The following PRCP variants were observed in gnomAD, a reference collection of about 807,000 sequenced individuals.
PRCP encodes lysosomal Pro-X carboxypeptidase.
In PRCP, 46 loss-of-function variants were observed where a neutral mutation model predicts 54.2. The observed-to-expected ratio is 0.85, with a 90% CI of 0.67 to 1.09. The LOEUF is 1.09. PRCP is among the 50% of genes least tolerant of loss of function. PRCP has a pLI of 0.00. For missense variants in PRCP, 613 were observed against 596.8 expected, an observed-to-expected ratio of 1.03 and a Z score of -0.28; for synonymous variants, 240 against 212.2, an observed-to-expected ratio of 1.13 and a Z score of -1.14.
intron 1 of PRCP, among the ~76,000 whole-genome samples, chr11:82,869,697 T>C (rs1204331095): frequency 2.0e-5 from 3 of 152,196 alleles, no homozygotes; most frequent in Non-Finnish European, 4.4e-5. Context: ...AATGCATGCA[T>C]GCATCATGGC....
intron 1 of PRCP, among the ~76,000 whole-genome samples, chr11:82,895,644 T>C (rs774535455): frequency 2.5e-4 from 38 of 152,276 alleles, no homozygotes; most frequent in South Asian, 4.1e-4. Context: ...CACACAATAT[T>C]TCTGACAGGA....
At chr11:82,901,297 A>G (rs143703204), upstream of PRCP, among the ~76,000 whole-genome samples, 2 of 151,406 alleles carry the variant, frequency 1.3e-5, no homozygotes, top group Non-Finnish European at 2.9e-5. Context: ...CTTCTCCGGC[A>G]CCCGAAAACC....
chr11:82,900,252 G>T lies in PRCP; in HGVS notation c.151C>A (p.Leu51Ile). 6.2e-7 allele frequency: 1 copy of T among 1,614,226 alleles called. No individual in the cohort carries two copies. The highest frequency in any genetic ancestry group is 8.5e-7 in the Non-Finnish European group (1 of 1,180,032). The change falls in exon 1 of 9, where the codon CTC becomes ATC. Residue 51 changes from leucine to isoleucine, a missense_variant. Physicochemically the swap from Leu to Ile is conservative, Grantham distance 5. Coordinates refer to ENST00000313010, the MANE Select transcript of PRCP (RefSeq NM_005040.4). ...CCCCTTACCTTCTGTTGGAAGTAGA[G>T]AACCGAATAGTTCTTGGCTACAGCC... Reference protein sequence around the residue: ...LPAVAKNYSVLYFQQKVDHFG... With the variant: ...LPAVAKNYSVIYFQQKVDHFG...
chr11:82,864,540 G>A (rs1227817024), intron 1 of PRCP, among the ~76,000 whole-genome samples: 1 of 152,186 alleles, frequency 6.6e-6, no homozygotes, highest in Non-Finnish European at 1.5e-5. Flanking sequence ...GAGGTCACAT[G>A]ACTTAGCCAT....
intron 7 of PRCP, among the ~76,000 whole-genome samples, 157 bp downstream of exon 7, chr11:82,839,104 A>T (rs1419372220): frequency 6.6e-6 from 1 of 152,252 alleles, no homozygotes; most frequent in Non-Finnish European, 1.5e-5. Flanking sequence ...CAAATGAATG[A>T]ACAAGAAAAC....
intron 1 of PRCP, among the ~76,000 whole-genome samples, chr11:82,891,604 G>T (rs538419518): frequency 6.6e-6 from 1 of 151,842 alleles, no homozygotes; most frequent in Admixed American, 6.6e-5. Flanking sequence ...TCTCTCCCTG[G>T]GGCATGTCCC....
chr11:82,849,332 T>A lies in PRCP; in HGVS notation c.752-114A>T, dbSNP rs776308247. 3.2e-4 allele frequency: 377 copies of A among 1,170,810 alleles called. 1 individual carries two copies. Among genetic ancestry groups the A allele is most frequent in the Middle Eastern group, 1.0e-3 (5 of 4,818 alleles). 72.5% of individuals were successfully genotyped at this position (1,170,810 alleles called of 1,614,324 possible). A position where few individuals can be genotyped will look rare whatever the true frequency, so the allele number is the denominator to read the frequency against. ...AAAACTCAATCTTTTATACCCCTTC[T>A]CCCAGGATATTTTCAGAGCAACTGG... On this transcript the variant is annotated intron_variant, in intron 5 of 8. Coordinates refer to ENST00000313010, the MANE Select transcript of PRCP (RefSeq NM_005040.4).
intron 1 of PRCP, among the ~76,000 whole-genome samples, chr11:82,860,773 C>A (rs1402906778): frequency 2.0e-5 from 3 of 152,044 alleles, no homozygotes; most frequent in Admixed American, 2.0e-4. Flanking sequence ...CATAGATATT[C>A]TAAGTTACAA....
chr11:82,857,493 A>C (rs1017069775), intron 2 of PRCP, among the ~76,000 whole-genome samples: 5 of 152,028 alleles, frequency 3.3e-5, no homozygotes, highest in African/African-American at 1.2e-4. Flanking sequence ...AGAACCATCT[A>C]TATCTGGTCA....
chr11:82,873,406 C>T (rs746765315), intron 1 of PRCP, among the ~76,000 whole-genome samples: 6 of 152,154 alleles, frequency 3.9e-5, no homozygotes, highest in Admixed American at 2.6e-4. Flanking sequence ...ACACGAAATG[C>T]CCCACTAAAT....
At chr11:82,866,809 C>T (rs1285744633) in intron 1 of PRCP, among the ~76,000 whole-genome samples, 1 of 151,942 alleles carries the variant, frequency 6.6e-6, no homozygotes, top group African/African-American at 2.4e-5. Context: ...GCAACCTCCA[C>T]CTCCCGAGTT....
chr11:82,843,000 T>C (rs534038586), intron 6 of PRCP, among the ~76,000 whole-genome samples: 1 of 152,324 alleles, frequency 6.6e-6, no homozygotes, highest in East Asian at 1.9e-4. Context: ...ACTATTCCTA[T>C]GCTTATTTAA....
chr11:82,898,991 TA>T (rs1187222538), intron 1 of PRCP, among the ~76,000 whole-genome samples: 2 of 79,392 alleles, frequency 2.5e-5, no homozygotes, highest in Admixed American at 3.0e-4. Flanking sequence ...TTTTTAAAAA[TA>T]AAAAAATTTT....
intron 1 of PRCP, among the ~76,000 whole-genome samples, chr11:82,880,204 C>T (rs976450170): frequency 1.4e-4 from 22 of 152,340 alleles, no homozygotes; most frequent in African/African-American, 2.9e-4. Context: ...TCGAGCTTCC[C>T]GGCCACTTTG....
chr11:82,873,081 A>ATTTT (rs771676381), intron 1 of PRCP, among the ~76,000 whole-genome samples: 22,391 of 127,564 alleles, frequency 0.18, 1,664 homozygotes, highest in Middle Eastern at 0.25. Context: ...TTTTTTTTTA[A>ATTTT]AAAAAAAGAA....
chr11:82,833,961 A>G (rs1858454770), intron 8 of PRCP, among the ~76,000 whole-genome samples: 2 of 152,266 alleles, frequency 1.3e-5, no homozygotes, highest in South Asian at 4.1e-4. Context: ...TGATGATGAT[A>G]ATAGTAATGA....
chr11:82,900,961 TC>T (rs1451968428), upstream of PRCP: 1 of 426,782 alleles, frequency 2.3e-6, no homozygotes, highest in East Asian at 7.1e-5. Context: ...AACTAAATCG[TC>T]ACAGCAATCT....
At position 82,849,235 on chromosome 11, in the gene PRCP, A is replaced by G. The variant is rs1361796350; in HGVS notation, c.752-17T>C. On this transcript the variant is annotated splice_polypyrimidine_tract_variant and intron_variant, in intron 5 of 8. Transcript: ENST00000313010. ...AACCACTGCCTGGGAATAGAATCAC[A>G]CTGTTGGAATCTAAAAAGTACTGGT... The G allele has an allele frequency of 1.9e-6, 3 of 1,613,148 alleles. No homozygotes were observed. Among genetic ancestry groups the G allele is most frequent in the Admixed American group, 1.7e-5 (1 of 59,892 alleles).
intron 1 of PRCP, among the ~76,000 whole-genome samples, chr11:82,869,828 T>A (rs1413849829): frequency 1.3e-5 from 2 of 152,228 alleles, no homozygotes; most frequent in Admixed American, 1.3e-4. Context: ...TGCACAACAC[T>A]GTAGTTGGAT....
Sources: allele counts gnomAD v4.1 joint callset (sites outside exome capture counted in the v4.1 genomes callset), GRCh38; gene constraint gnomAD v4.1.1; transcripts MANE v1.5; gene names NCBI Gene and HGNC (gene_info 2026-07-23, HGNC 2026-07-21).